The following SGCD variants were observed in gnomAD, a reference collection of about 807,000 sequenced individuals.
The protein encoded by SGCD is sarcoglycan delta, also known as delta-sarcoglycan.
A neutral mutation model predicts 36.6 loss-of-function variants in SGCD; 18 were observed. The observed-to-expected ratio is 0.49, with a 90% CI of 0.34 to 0.73. SGCD has a LOEUF of 0.73. Ranked by LOEUF, SGCD falls within the 30% of genes least tolerant of loss-of-function variation. The pLI is 0.01. For missense variants in SGCD, 387 were observed against 346.7 expected, an observed-to-expected ratio of 1.12 and a Z score of -0.92; for synonymous variants, 133 against 130.6, an observed-to-expected ratio of 1.02 and a Z score of -0.12.
intron 3 of SGCD, among the ~76,000 whole-genome samples, chr5:156,247,581 G>A (rs1029185410): frequency 6.6e-6 from 1 of 152,156 alleles, no homozygotes; most frequent in African/African-American, 2.4e-5. Context: ...CAAGATAGAT[G>A]TGGGAGATAA....
chr5:155,962,746 C>A (rs1193129122), intron 1 of SGCD, among the ~76,000 whole-genome samples: 1 of 152,086 alleles, frequency 6.6e-6, no homozygotes, highest in Non-Finnish European at 1.5e-5. Flanking sequence ...CAAAACTATA[C>A]TAAGTGGCAC....
intron 1 of SGCD, among the ~76,000 whole-genome samples, chr5:156,026,764 T>C (rs1759234058): frequency 6.6e-6 from 1 of 152,158 alleles, no homozygotes; most frequent in African/African-American, 2.4e-5. Flanking sequence ...AGAGAGTCCA[T>C]AGATCATGGA....
chr5:155,770,122 G>A, the SGCD span, among the ~76,000 whole-genome samples: 2 of 151,944 alleles, frequency 1.3e-5, no homozygotes, highest in Non-Finnish European at 2.9e-5. Context: ...GCTGGGTGCT[G>A]AAGATACAAC....
intron 3 of SGCD, among the ~76,000 whole-genome samples, chr5:156,228,806 A>T (rs1198129896): frequency 6.6e-6 from 1 of 152,018 alleles, no homozygotes; most frequent in African/African-American, 2.4e-5. Context: ...GATTTGTTTC[A>T]AGATTTAGAG....
chr5:155,836,477 C>A, the SGCD span, among the ~76,000 whole-genome samples: 123 of 35,318 alleles, frequency 3.5e-3, 2 homozygotes, highest in African/African-American at 0.018. Context: ...CCCACCCCCG[C>A]CCCGCACTCA....
intron 4 of SGCD, among the ~76,000 whole-genome samples, chr5:156,520,372 A>G (rs552296751): frequency 6.6e-6 from 1 of 152,310 alleles, no homozygotes; most frequent in East Asian, 1.9e-4. Flanking sequence ...GAGAGGACAC[A>G]AACAAATGGA....
chr5:156,649,429 C>G (rs1410983584), intron 7 of SGCD, among the ~76,000 whole-genome samples: 1 of 152,110 alleles, frequency 6.6e-6, no homozygotes, highest in East Asian at 1.9e-4. Flanking sequence ...TATTGCAGCA[C>G]TATTCATAAT....
chr5:156,134,134 C>T (rs1762396994), intron 3 of SGCD, among the ~76,000 whole-genome samples: 1 of 152,072 alleles, frequency 6.6e-6, no homozygotes, highest in Non-Finnish European at 1.5e-5. Flanking sequence ...TTTATTCTTC[C>T]CCTTTGCTTT....
intron 1 of SGCD, among the ~76,000 whole-genome samples, chr5:155,954,095 C>G (rs1757597551): frequency 6.6e-6 from 1 of 152,136 alleles, no homozygotes; most frequent in Non-Finnish European, 1.5e-5. Context: ...GACCAAAAAT[C>G]TTGTCTATTG....
In SGCD at chr5:155,949,317, T is replaced by G. The variant is rs112330443; in HGVS notation, c.-282+78893T>G. On this transcript the variant is annotated intron_variant, in intron 1 of 9. Transcript: ENST00000517913. ...TTAATATACATAGCCTAGTGTCAAATGACCTTCATAATCAATCATAAGAAA... is the reference window on the plus strand; with the variant it reads ...TTAATATACATAGCCTAGTGTCAAAGGACCTTCATAATCAATCATAAGAAA... Among the ~76,000 whole-genome samples the G allele has an allele frequency of 1.9e-3, 287 of 152,306 alleles. 2 individuals are homozygous for G. The highest frequency in any genetic ancestry group is 2.8e-3 in the Non-Finnish European group (190 of 68,018).
chr5:156,747,261 C>CTAAT (rs1254595536), intron 7 of SGCD, among the ~76,000 whole-genome samples: 1 of 152,178 alleles, frequency 6.6e-6, no homozygotes, highest in Non-Finnish European at 1.5e-5. Context: ...TTGACAATTT[C>CTAAT]TAATTGTATT....
chr5:156,326,326 C>T (rs1035831977), upstream of SGCD, among the ~76,000 whole-genome samples: 37 of 152,130 alleles, frequency 2.4e-4, no homozygotes, highest in South Asian at 8.3e-4. Context: ...AGAATTAGGA[C>T]GCATTCTGAT....
intron 3 of SGCD, among the ~76,000 whole-genome samples, chr5:156,243,531 A>C (rs779907204): frequency 1.3e-5 from 2 of 152,186 alleles, no homozygotes; most frequent in African/African-American, 4.8e-5. Flanking sequence ...CAATACTATA[A>C]ATTTGTTATG....
At chr5:156,620,091 T>A (rs1762184671) in intron 6 of SGCD, among the ~76,000 whole-genome samples, 1 of 152,194 alleles carries the variant, frequency 6.6e-6, no homozygotes, top group Non-Finnish European at 1.5e-5. Context: ...GTATGGGGTG[T>A]GGGCACAAAC....
intron 3 of SGCD, among the ~76,000 whole-genome samples, chr5:156,132,894 G>A (rs1351456029): frequency 1.3e-5 from 2 of 152,158 alleles, no homozygotes; most frequent in African/African-American, 4.8e-5. Context: ...AACATGGAGA[G>A]GATCAGCAGA....
At chr5:156,560,226 A>C (rs1488195826) in intron 4 of SGCD, among the ~76,000 whole-genome samples, 2 of 152,190 alleles carry the variant, frequency 1.3e-5, no homozygotes, top group Non-Finnish European at 2.9e-5. Flanking sequence ...CTCTTAATAG[A>C]AGCAAACATG....
intron 3 of SGCD, among the ~76,000 whole-genome samples, chr5:156,505,848 T>C (rs1756671804): frequency 6.6e-6 from 1 of 151,336 alleles, no homozygotes. Context: ...GCAATGAAAA[T>C]AGAAATTTGA....
rs910267551 is a variant in SGCD, at chr5:156,159,095, C to T, written c.-44+35076C>T. Reference sequence around the variant, plus strand: ...TTTATTAGCGTATGTGACCAGCACTCTGAGCCTCATTTCCACCATTATAGG... The same window carrying T: ...TTTATTAGCGTATGTGACCAGCACTTTGAGCCTCATTTCCACCATTATAGG... On this transcript the variant is annotated intron_variant, in intron 3 of 9. Transcript: ENST00000517913. Among the ~76,000 whole-genome samples, 3 of 151,598 alleles carry T rather than the reference C, an allele frequency of 2.0e-5. 1 individual carries two copies. Among genetic ancestry groups the T allele is most frequent in the African/African-American group, 2.4e-5 (1 of 40,932 alleles).
chr5:155,875,649 T>C (rs1402198127), intron 1 of SGCD, among the ~76,000 whole-genome samples: 1 of 152,084 alleles, frequency 6.6e-6, no homozygotes, highest in Non-Finnish European at 1.5e-5. Context: ...CTCCACTTTT[T>C]TTTTTTTTTT....
Sources: gnomAD v4.1 joint callset for allele counts (sites outside exome capture counted in the v4.1 genomes callset) on GRCh38, gnomAD v4.1.1 for gene constraint, MANE v1.5 for transcripts, NCBI Gene and HGNC (gene_info 2026-07-23, HGNC 2026-07-21) for gene names.